PRKN: variants seen among roughly 807,000 people sequenced by gnomAD.
PRKN encodes the protein E3 ubiquitin-protein ligase parkin.
A neutral mutation model predicts 59.5 loss-of-function variants in PRKN; 56 were observed. The observed-to-expected ratio is 0.94, with a 90% confidence interval of 0.76 to 1.18. PRKN has a LOEUF of 1.18. Ranked by LOEUF, PRKN falls within the 50% of genes most tolerant of loss-of-function variation. PRKN has a pLI of 0.00. For synonymous variants in PRKN, 250 were observed against 222.1 expected (o/e 1.13, Z -1.12); for missense variants, 657 against 596.4 (o/e 1.10, Z -1.06).
chr6:161,576,250 C>T lies in PRKN; in HGVS notation c.872-6834G>A, dbSNP rs1781125794. ...CCAAGCTTATTTTAATCCTTTCTCT[C>T]TGCTGATGGGTTTTTATTTATAAAG... is the stretch of plus-strand genomic sequence containing the variant. On this transcript the variant is annotated intron_variant, in intron 7 of 11. Coordinates refer to ENST00000366898, the MANE Select transcript of PRKN (RefSeq NM_004562.3). The surrounding 1 kb of genome is among the most constrained non-coding windows in gnomAD (Gnocchi z 4.6). 6.6e-6 allele frequency among the ~76,000 whole-genome samples: 1 copy of T among 152,204 alleles called. No individual in the cohort carries two copies.
intron 1 of PRKN, among the ~76,000 whole-genome samples, chr6:162,691,199 T>C (rs749173720): frequency 2.0e-5 from 3 of 152,142 alleles, no homozygotes; most frequent in Non-Finnish European, 4.4e-5. Flanking sequence ...TATATCTAAA[T>C]ATATAGTTGG....
chr6:161,775,933 A>G (rs1161184825), intron 7 of PRKN, among the ~76,000 whole-genome samples: 1 of 152,214 alleles, frequency 6.6e-6, no homozygotes, highest in Non-Finnish European at 1.5e-5. Flanking sequence ...ATTCTAAGTT[A>G]GGTGAAAACT....
intron 1 of PRKN, among the ~76,000 whole-genome samples, chr6:162,678,565 T>C (rs1360781390): frequency 1.3e-5 from 2 of 152,224 alleles, no homozygotes; most frequent in African/African-American, 4.8e-5. Context: ...GGGGTATCTT[T>C]GCATGTGTTT....
rs1020478684 is a variant in PRKN, at chr6:161,407,221, G to A, written c.1084-20344C>T. On this transcript the variant is annotated intron_variant, in intron 9 of 11. Coordinates refer to ENST00000366898, the MANE Select transcript of PRKN (RefSeq NM_004562.3). The surrounding 1 kb of genome is among the most constrained non-coding windows in gnomAD (Gnocchi z 4.9). ...GTCATACCAAAATTATAACTGCTAA[G>A]AGAGATGTTAATGGTAATTAATCAT... is the stretch of plus-strand genomic sequence containing the variant. 6.6e-6 allele frequency among the ~76,000 whole-genome samples: 1 copy of A among 152,102 alleles called. No homozygotes were observed. Among genetic ancestry groups the A allele is most frequent in the Non-Finnish European group, 1.5e-5 (1 of 68,030 alleles).
chr6:161,561,073 G>T lies in PRKN; in HGVS notation c.933+8282C>A, dbSNP rs1780437951. Reference sequence around the variant, plus strand: ...GGGCATTTACAACTTCCTCAAGATTGTATTGTGTTTCTCCAGTGACATGTT... The same window carrying T: ...GGGCATTTACAACTTCCTCAAGATTTTATTGTGTTTCTCCAGTGACATGTT... On this transcript the variant is annotated intron_variant, in intron 8 of 11. Transcript: ENST00000366898. The surrounding 1 kb of genome is among the most constrained non-coding windows in gnomAD (Gnocchi z 5.0). Among the ~76,000 whole-genome samples, 1 of 152,088 alleles carries T rather than the reference G, an allele frequency of 6.6e-6. No individual in the cohort carries two copies. Among genetic ancestry groups the T allele is most frequent in the African/African-American group, 2.4e-5 (1 of 41,432 alleles).
chr6:162,389,714 A>G (rs564901703), intron 2 of PRKN, among the ~76,000 whole-genome samples: 2 of 152,358 alleles, frequency 1.3e-5, no homozygotes, highest in Non-Finnish European at 2.9e-5. Context: ...TTCAGCGAAG[A>G]TAAGTAACTT....
Position 161,350,084 on chromosome 6 carries a change from G to A in PRKN, c.*15C>T, listed in dbSNP as rs35125035. ...CTCCCCCAGGATGTGGCGATGGGGCGCCCGGCCGCCCTGGCTACACGTCGA... is the reference window on the plus strand; with the variant it reads ...CTCCCCCAGGATGTGGCGATGGGGCACCCGGCCGCCCTGGCTACACGTCGA... On this transcript the variant is annotated 3_prime_UTR_variant, in exon 12 of 12. Coordinates refer to ENST00000366898, the MANE Select transcript of PRKN (RefSeq NM_004562.3). 6 of 1,566,206 alleles carry A rather than the reference G, an allele frequency of 3.8e-6. No individual in the cohort carries two copies. The highest frequency in any genetic ancestry group is 2.2e-5 in the East Asian group (1 of 44,466).
At chr6:162,020,381 C>T (rs1475409817) in intron 5 of PRKN, among the ~76,000 whole-genome samples, 1 of 77,282 alleles carries the variant, frequency 1.3e-5, no homozygotes, top group South Asian at 5.1e-4. Flanking sequence ...AAGAAACATA[C>T]AAATGATGTC....
chr6:161,659,306 A>T (rs536424873), intron 7 of PRKN, among the ~76,000 whole-genome samples: 2 of 152,336 alleles, frequency 1.3e-5, no homozygotes, highest in South Asian at 2.1e-4. Context: ...TTTTCTTAAT[A>T]TAGGAGTCCA....
intron 5 of PRKN, among the ~76,000 whole-genome samples, chr6:162,040,116 CAA>C (rs1481834717): frequency 6.6e-6 from 1 of 152,108 alleles, no homozygotes; most frequent in Admixed American, 6.5e-5. Flanking sequence ...GTTGTCGATG[CAA>C]AGACTCAAAC....
Position 161,935,865 on chromosome 6 carries a change from G to C in PRKN, c.734+37437C>G, listed in dbSNP as rs142444331. ...ATCCTGTTTGTACCCTAACTGAAGA[G>C]GAACAATGACTAACAGCACAAACAA... On this transcript the variant is annotated intron_variant, in intron 6 of 11. Coordinates refer to ENST00000366898, the MANE Select transcript of PRKN (RefSeq NM_004562.3). Among the ~76,000 whole-genome samples, 3 of 152,240 alleles carry C rather than the reference G, an allele frequency of 2.0e-5. No individual in the cohort carries two copies. The East Asian group carries it at 5.8e-4, about 30-fold the overall frequency.
chr6:162,551,790 T>C (rs1779341663), intron 1 of PRKN, among the ~76,000 whole-genome samples: 1 of 152,208 alleles, frequency 6.6e-6, no homozygotes. Context: ...TCCTTGAATA[T>C]TTCATTTGTT....
intron 7 of PRKN, among the ~76,000 whole-genome samples, chr6:161,587,041 C>T (rs1032112495): frequency 6.6e-6 from 1 of 152,134 alleles, no homozygotes; most frequent in Non-Finnish European, 1.5e-5. Context: ...TATTGAGGGG[C>T]CTTAAAATAG....
At chr6:162,561,614 C>T (rs1046125134) in intron 1 of PRKN, among the ~76,000 whole-genome samples, 11 of 152,182 alleles carry the variant, frequency 7.2e-5, no homozygotes, top group Non-Finnish European at 1.2e-4. Context: ...GCTGACACCA[C>T]GCCTCCCTTA....
intron 2 of PRKN, among the ~76,000 whole-genome samples, chr6:162,281,261 T>C: frequency 6.6e-6 from 1 of 151,264 alleles, no homozygotes; most frequent in East Asian, 2.0e-4. Flanking sequence ...GACTGGGGCC[T>C]GTCAGGGGGT....
At chr6:162,336,893 A>T (rs755664746) in intron 2 of PRKN, among the ~76,000 whole-genome samples, 6 of 152,202 alleles carry the variant, frequency 3.9e-5, no homozygotes, top group Non-Finnish European at 7.3e-5. Context: ...TTGTGAAGGC[A>T]CTGAATTGTT....
chr6:162,469,319 T>G (rs1791592219), intron 1 of PRKN, among the ~76,000 whole-genome samples: 1 of 121,764 alleles, frequency 8.2e-6, no homozygotes, highest in South Asian at 2.9e-4. Flanking sequence ...AATGAAGAAT[T>G]TGTGGAATGT....
Position 161,593,272 on chromosome 6 carries a change from C to T in PRKN, c.872-23856G>A, listed in dbSNP as rs150612615. Among the ~76,000 whole-genome samples, 28 of 152,314 alleles carry T rather than the reference C, an allele frequency of 1.8e-4. No individual in the cohort carries two copies. Among genetic ancestry groups the T allele is most frequent in the East Asian group, 1.4e-3 (7 of 5,174 alleles). On this transcript the variant is annotated intron_variant, in intron 7 of 11. Transcript: ENST00000366898. This position sits in a 1 kb window ranked among gnomAD's most constrained non-coding sequence, Gnocchi z 4.8. ...GCATGGATCACCTCCTTAGTCCTTACGGGCTGCTTTGAGTGTGAGGGCAGG... is the reference window on the plus strand; with the variant it reads ...GCATGGATCACCTCCTTAGTCCTTATGGGCTGCTTTGAGTGTGAGGGCAGG...
chr6:162,476,261 G>A (rs1792013475), intron 1 of PRKN, among the ~76,000 whole-genome samples: 2 of 151,158 alleles, frequency 1.3e-5, no homozygotes, highest in African/African-American at 2.4e-5. Flanking sequence ...TAGTAGATAC[G>A]GGGTTTCTCC....
Sources: gnomAD v4.1 joint callset for allele counts (sites outside exome capture counted in the v4.1 genomes callset) on GRCh38, gnomAD v4.1.1 for gene constraint, Gnocchi (gnomAD v3.1) non-coding constraint, MANE v1.5 for transcripts, NCBI Gene and HGNC (gene_info 2026-07-23, HGNC 2026-07-21) for gene names.